The following FGF1 variants were observed in gnomAD, a reference collection of about 807,000 sequenced individuals.
The protein encoded by FGF1 is beta-endothelial cell growth factor.
FGF1 carries 9 observed loss-of-function variants against 13.4 expected under a neutral mutation model. That is an observed-to-expected ratio of 0.67 (90% CI 0.40 to 1.17). The LOEUF is 1.17. FGF1 is among the 50% of genes most tolerant of loss of function. The probability of loss-of-function intolerance (pLI) is 0.01; values close to 1 mark genes in which losing one functional copy is unlikely to be tolerated. For synonymous variants in FGF1, 93 were observed against 79.0 expected, an observed-to-expected ratio of 1.18 and a Z score of -0.94; for missense variants, 156 against 192.7, an observed-to-expected ratio of 0.81 and a Z score of 1.13.
chr5:142,685,275 A>T (rs1194427585), intron 1 of FGF1, among the ~76,000 whole-genome samples: 1 of 152,212 alleles, frequency 6.6e-6, no homozygotes, highest in African/African-American at 2.4e-5. Flanking sequence ...GAAAGGAAGG[A>T]AAGAAGTAAT....
intron 2 of FGF1, among the ~76,000 whole-genome samples, chr5:142,693,238 C>T (rs1018812117): frequency 2.0e-5 from 3 of 152,142 alleles, no homozygotes; most frequent in South Asian, 4.2e-4. Context: ...AAAGCCCTGT[C>T]GCGGGGTTAA....
intron 2 of FGF1, among the ~76,000 whole-genome samples, chr5:142,603,494 T>C (rs1388742241): frequency 6.6e-6 from 1 of 152,144 alleles, no homozygotes; most frequent in Non-Finnish European, 1.5e-5. Context: ...GCTACTGATC[T>C]ATTTCTGCCT....
intron 1 of FGF1, among the ~76,000 whole-genome samples, chr5:142,639,725 C>T (rs764017585): frequency 3.3e-5 from 5 of 151,558 alleles, no homozygotes; most frequent in African/African-American, 1.2e-4. Flanking sequence ...CATGTTTTCA[C>T]CACACACACA....
At chr5:142,660,059 G>A (rs1361968295) in intron 1 of FGF1, among the ~76,000 whole-genome samples, 2 of 152,226 alleles carry the variant, frequency 1.3e-5, no homozygotes, top group Non-Finnish European at 2.9e-5. Context: ...CAGGCCATGG[G>A]CAGTGTCACA....
intron 1 of FGF1, among the ~76,000 whole-genome samples, chr5:142,659,089 A>T: frequency 6.6e-6 from 1 of 152,200 alleles, no homozygotes; most frequent in East Asian, 1.9e-4. Context: ...ATGAGCTCTC[A>T]TTCAGGTTCT....
At position 142,613,989 on chromosome 5, in the gene FGF1, C is replaced by T; in HGVS notation, c.139G>A (p.Asp47Asn). 6.2e-7 allele frequency: 1 copy of T among 1,614,100 alleles called. No homozygotes were observed. Among genetic ancestry groups the T allele is most frequent in the Non-Finnish European group, 8.5e-7 (1 of 1,180,008 alleles). ...FLRILPDGTV[D>N]GTRDRSDQHI... ...TGGTCGCTCCTGTCCCTTGTCCCAT[C>T]CACTGTGCCATCCGGAAGGATCCTC... The change falls in exon 2 of 4, where the codon GAT becomes AAT. Residue 47 changes from aspartate (D) to asparagine (N), a missense_variant. Physicochemically the swap from Asp to Asn is conservative, Grantham distance 23. Coordinates refer to ENST00000337706, the MANE Select transcript of FGF1 (RefSeq NM_000800.5).
Position 142,595,106 on chromosome 5 carries a change from A to C in FGF1, c.*184T>G, listed in dbSNP as rs1754976145. The C allele has an allele frequency of 1.8e-6, 1 of 559,958 alleles. No individual in the cohort carries two copies. The highest frequency in any genetic ancestry group is 3.1e-6 in the Non-Finnish European group (1 of 319,110). The allele number at this position is 559,958 out of a possible 1,614,324, so 34.7% of individuals were successfully genotyped here. On this transcript the variant is annotated 3_prime_UTR_variant, in exon 4 of 4. Coordinates refer to ENST00000337706, the MANE Select transcript of FGF1 (RefSeq NM_000800.5). The stretch of plus-strand genomic sequence containing the variant: ...AAGCAATTTGGTCCCTCTGTTCTAA[A>C]CTGTGCAGGGGTAAAAGGCTCTGCA...
intron 1 of FGF1, among the ~76,000 whole-genome samples, chr5:142,661,295 C>T (rs1597370812): frequency 6.6e-6 from 1 of 152,186 alleles, no homozygotes; most frequent in African/African-American, 2.4e-5. Flanking sequence ...AGCGCAATAT[C>T]ACTTCACACC....
intron 1 of FGF1, among the ~76,000 whole-genome samples, chr5:142,630,152 A>G (rs907759325): frequency 6.6e-6 from 1 of 152,064 alleles, no homozygotes; most frequent in Non-Finnish European, 1.5e-5. Flanking sequence ...TCGGCCTCCC[A>G]AAGTGCTGGG....
intron 1 of FGF1, among the ~76,000 whole-genome samples, chr5:142,682,028 T>C (rs940330990): frequency 6.6e-6 from 1 of 151,964 alleles, no homozygotes; most frequent in African/African-American, 2.4e-5. Flanking sequence ...GGGTCACTTA[T>C]AGAGTGTCAC....
chr5:142,640,433 G>T (rs1453034332), intron 1 of FGF1, among the ~76,000 whole-genome samples: 1 of 149,894 alleles, frequency 6.7e-6, no homozygotes, highest in Admixed American at 6.6e-5. Flanking sequence ...TGGTGGGGGG[G>T]GGGGTCTCTC....
chr5:142,610,325 T>G (rs1050215490), intron 2 of FGF1, among the ~76,000 whole-genome samples: 4 of 152,168 alleles, frequency 2.6e-5, no homozygotes, highest in Admixed American at 1.3e-4. Context: ...GACACAAAAT[T>G]TGTAGTGTTG....
chr5:142,687,836 C>T (rs1012007260), upstream of FGF1, among the ~76,000 whole-genome samples: 3 of 152,144 alleles, frequency 2.0e-5, no homozygotes, highest in South Asian at 4.1e-4. Flanking sequence ...AGGTTAACCC[C>T]GTGTTAACCT....
chr5:142,618,652 G>A (rs949198594), intron 1 of FGF1, among the ~76,000 whole-genome samples: 5 of 152,096 alleles, frequency 3.3e-5, no homozygotes, highest in Non-Finnish European at 7.3e-5. Flanking sequence ...CCCCTGTGCT[G>A]TAAGCCACAA....
At chr5:142,621,808 C>G (rs1761681928) in intron 1 of FGF1, among the ~76,000 whole-genome samples, 1 of 152,162 alleles carries the variant, frequency 6.6e-6, no homozygotes, top group Non-Finnish European at 1.5e-5. Context: ...ATTCCCCCCA[C>G]CCTAGGACCT....
intron 1 of FGF1, among the ~76,000 whole-genome samples, chr5:142,657,861 CTTTCACCACCT>C (rs1216162309): frequency 1.3e-5 from 2 of 152,204 alleles, no homozygotes; most frequent in African/African-American, 4.8e-5. Context: ...GCTTCTCTGC[CTTTCACCACCT>C]TTTGGAGTGT....
chr5:142,624,909 G>A (rs975739702), intron 1 of FGF1, among the ~76,000 whole-genome samples: 3 of 152,170 alleles, frequency 2.0e-5, no homozygotes, highest in African/African-American at 7.2e-5. Context: ...TATTTGTTCT[G>A]CATTGTGTTA....
At position 142,685,993 on chromosome 5, in the gene FGF1, C is replaced by T. The variant is rs1373440893; in HGVS notation, c.-71G>A. On this transcript the variant is annotated 5_prime_UTR_variant, in exon 1 of 4. Transcript: ENST00000337706. ...GTAGGCCGAGGGCTGTACCTCTCTC[C>T]ACACTCGCTCAGTGCTGTCCCAGGG... is the stretch of plus-strand genomic sequence containing the variant. 6.6e-6 allele frequency: 1 copy of T among 152,222 alleles called. No individual in the cohort carries two copies. Among genetic ancestry groups the T allele is most frequent in the Non-Finnish European group, 1.5e-5 (1 of 68,082 alleles). 9.4% of individuals were successfully genotyped at this position (152,222 alleles called of 1,614,324 possible).
intron 1 of FGF1, among the ~76,000 whole-genome samples, chr5:142,645,113 A>T (rs182164974): frequency 6.6e-6 from 1 of 152,176 alleles, no homozygotes; most frequent in Non-Finnish European, 1.5e-5. Context: ...CTTGTAATGC[A>T]GTCATCTCCT....
Sources: gnomAD v4.1 joint callset for allele counts (sites outside exome capture counted in the v4.1 genomes callset) on GRCh38, gnomAD v4.1.1 for gene constraint, MANE v1.5 for transcripts, NCBI Gene and HGNC (gene_info 2026-07-23, HGNC 2026-07-21) for gene names.